The following KCND2 variants were observed in gnomAD, a reference collection of about 807,000 sequenced individuals.
The protein encoded by KCND2 is A-type voltage-gated potassium channel KCND2.
In KCND2, 16 loss-of-function variants were observed where a neutral mutation model predicts 54.4. That is an observed-to-expected ratio of 0.29 (90% confidence interval 0.20 to 0.45). The LOEUF is 0.45. Among genes scored for constraint, KCND2 ranks in the 20% least tolerant of loss-of-function variants. The probability of loss-of-function intolerance (pLI) is 1.00; values close to 1 mark genes in which losing one functional copy is unlikely to be tolerated. For missense variants in KCND2, 486 were observed against 824.2 expected (o/e 0.59, Z 5.02); for synonymous variants, 317 against 310.7 (o/e 1.02, Z -0.21).
chr7:120,473,350 A>G (rs1802487769), intron 1 of KCND2, among the ~76,000 whole-genome samples: 1 of 152,242 alleles, frequency 6.6e-6, no homozygotes, highest in African/African-American at 2.4e-5. Context: ...GGTGACAGCA[A>G]CAAAAAGCAT....
intron 1 of KCND2, among the ~76,000 whole-genome samples, chr7:120,637,192 G>C (rs1031054279): frequency 5.9e-5 from 9 of 152,106 alleles, no homozygotes; most frequent in African/African-American, 2.2e-4. Flanking sequence ...TTTTCAAATT[G>C]AGTCTTCATA....
chr7:120,299,687 G>A (rs576303033), intron 1 of KCND2, among the ~76,000 whole-genome samples: 73 of 152,226 alleles, frequency 4.8e-4, no homozygotes, highest in Middle Eastern at 6.8e-3. Flanking sequence ...GATCAAGGTG[G>A]CTAATCGAGC....
intron 1 of KCND2, among the ~76,000 whole-genome samples, chr7:120,451,606 G>A (rs41391947): frequency 0.067 from 10,154 of 152,102 alleles, 1,089 homozygotes; most frequent in East Asian, 0.53. Flanking sequence ...TACGGTTTTC[G>A]CAGACGTAAA....
chr7:120,544,269 G>A (rs1023669952), intron 1 of KCND2, among the ~76,000 whole-genome samples: 13 of 151,894 alleles, frequency 8.6e-5, no homozygotes, highest in African/African-American at 3.1e-4. Flanking sequence ...GGTAATTACA[G>A]CTGAGAGGAT....
At chr7:120,534,561 A>G (rs1034523646) in intron 1 of KCND2, among the ~76,000 whole-genome samples, 1 of 152,160 alleles carries the variant, frequency 6.6e-6, no homozygotes, top group African/African-American at 2.4e-5. Flanking sequence ...GGATCCTGGA[A>G]CAGAAATGTT....
chr7:120,661,622 C>A (rs1358977774), intron 1 of KCND2, among the ~76,000 whole-genome samples: 1 of 150,926 alleles, frequency 6.6e-6, no homozygotes, highest in Non-Finnish European at 1.5e-5. Flanking sequence ...CGCACTCCAG[C>A]CTGGGTGACA....
At chr7:120,516,946 T>C (rs1027542554) in intron 1 of KCND2, among the ~76,000 whole-genome samples, 1 of 152,128 alleles carries the variant, frequency 6.6e-6, no homozygotes, top group Admixed American at 6.6e-5. Flanking sequence ...ATCCTGAAGT[T>C]GTTCTGAAAA....
intron 1 of KCND2, among the ~76,000 whole-genome samples, chr7:120,301,400 T>G (rs1799584073): frequency 6.6e-6 from 1 of 152,146 alleles, no homozygotes; most frequent in Non-Finnish European, 1.5e-5. Context: ...GAATTTGTTA[T>G]CAGGTAAATG....
intron 1 of KCND2, among the ~76,000 whole-genome samples, chr7:120,490,489 T>A (rs1802764300): frequency 6.6e-6 from 1 of 152,200 alleles, no homozygotes; most frequent in Non-Finnish European, 1.5e-5. Flanking sequence ...GTTTTTGTTT[T>A]GTTTTTGTAA....
intron 1 of KCND2, among the ~76,000 whole-genome samples, chr7:120,554,248 A>G (rs944820568): frequency 6.6e-6 from 1 of 152,138 alleles, no homozygotes; most frequent in Admixed American, 6.6e-5. Context: ...TCTTCCTGCT[A>G]TTCCTGGCCA....
intron 1 of KCND2, among the ~76,000 whole-genome samples, chr7:120,393,925 T>A (rs1294124630): frequency 2.0e-5 from 3 of 152,008 alleles, no homozygotes. Flanking sequence ...TCACAAAACA[T>A]ATCATAAGAG....
intron 1 of KCND2, among the ~76,000 whole-genome samples, chr7:120,416,861 T>G (rs1001383847): frequency 1.3e-5 from 2 of 152,100 alleles, no homozygotes; most frequent in African/African-American, 2.4e-5. Context: ...TTGTTTTTCC[T>G]TTGAGGCAGA....
At chr7:120,432,224 C>A (rs182602990) in intron 1 of KCND2, among the ~76,000 whole-genome samples, 1 of 152,140 alleles carries the variant, frequency 6.6e-6, no homozygotes, top group Admixed American at 6.6e-5. Context: ...CCTGGTCACT[C>A]CCCTCAAGAC....
At chr7:120,737,774 C>A (rs896202126) in intron 2 of KCND2, among the ~76,000 whole-genome samples, 3 of 152,000 alleles carry the variant, frequency 2.0e-5, no homozygotes, top group African/African-American at 7.2e-5. Context: ...TTCCAGAATG[C>A]ATGTTACAGG....
chr7:120,346,527 GC>G (rs1279741539), intron 1 of KCND2, among the ~76,000 whole-genome samples: 1 of 152,100 alleles, frequency 6.6e-6, no homozygotes, highest in Non-Finnish European at 1.5e-5. Flanking sequence ...AGATTTTGGT[GC>G]TTCTTGACAT....
chr7:120,467,605 A>G (rs971567238), intron 1 of KCND2, among the ~76,000 whole-genome samples: 9 of 152,158 alleles, frequency 5.9e-5, no homozygotes, highest in African/African-American at 2.2e-4. Flanking sequence ...ATATGGTATC[A>G]AGTTAGGCAA....
chr7:120,648,509 G>C (rs1793469011), intron 1 of KCND2, among the ~76,000 whole-genome samples: 1 of 152,136 alleles, frequency 6.6e-6, no homozygotes, highest in Admixed American at 6.5e-5. Context: ...CAACAAGATG[G>C]AGAAAGATGG....
intron 1 of KCND2, among the ~76,000 whole-genome samples, chr7:120,620,842 A>C (rs1043205086): frequency 3.9e-5 from 6 of 152,208 alleles, no homozygotes; most frequent in African/African-American, 7.2e-5. Flanking sequence ...ACACTGGAAA[A>C]CCAGCCACTG....
intron 1 of KCND2, among the ~76,000 whole-genome samples, chr7:120,485,964 C>G (rs1173699203): frequency 1.3e-5 from 2 of 152,156 alleles, no homozygotes; most frequent in Non-Finnish European, 2.9e-5. Context: ...TTAGAATTCA[C>G]TCACCCAAGA....
Sources: allele counts gnomAD v4.1 joint callset (sites outside exome capture counted in the v4.1 genomes callset), GRCh38; gene constraint gnomAD v4.1.1; transcripts MANE v1.5; gene names NCBI Gene and HGNC (gene_info 2026-07-23, HGNC 2026-07-21).